SPTA1: variants seen among roughly 807,000 people sequenced by gnomAD.
SPTA1 encodes the protein spectrin alpha chain, erythrocytic 1.
A neutral mutation model predicts 324.7 loss-of-function variants in SPTA1; 177 were observed. That is an observed-to-expected ratio of 0.55 (90% confidence interval 0.48 to 0.62). The LOEUF is 0.62. Among genes scored for constraint, SPTA1 ranks in the 20% least tolerant of loss-of-function variants. SPTA1 has a pLI of 0.00. For missense variants in SPTA1, 3,162 were observed against 2,883.6 expected, an observed-to-expected ratio of 1.10 and a Z score of -2.21; for synonymous variants, 1,195 against 1,041.3, an observed-to-expected ratio of 1.15 and a Z score of -2.84.
At chr1:158,634,390 AT>A (rs1650904709) in intron 39 of SPTA1, among the ~76,000 whole-genome samples, 152 bp downstream of exon 39, 1 of 152,134 alleles carries the variant, frequency 6.6e-6, no homozygotes, top group Non-Finnish European at 1.5e-5. Flanking sequence ...TTGGACTTTA[AT>A]TTTTCGTATT....
chr1:158,677,859 A>G (rs765188276), intron 6 of SPTA1, 25 bp from the exon 7 acceptor site: 25 of 1,613,148 alleles, frequency 1.5e-5, no homozygotes, highest in Admixed American at 3.3e-5. Context: ...AAGAGCTCCA[A>G]CCAAAGAAGA....
At position 158,623,307 on chromosome 1, in the gene SPTA1, T is replaced by C. The variant is rs140760014; in HGVS notation, c.5911-115A>G. 534 of 926,918 alleles carry C rather than the reference T, an allele frequency of 5.8e-4. 2 individuals are homozygous for C. In the African/African-American group the frequency reaches 7.2e-3, roughly 13 times the overall value. 57.4% of individuals were successfully genotyped at this position (926,918 alleles called of 1,614,324 possible). ...GGCTAGGCAAGAATTAAGATGATGA[T>C]TAAGAAAAAGGAAATATAACTTAGA... On this transcript the variant is annotated intron_variant, in intron 42 of 51. Coordinates refer to ENST00000643759, the MANE Select transcript of SPTA1 (RefSeq NM_003126.4).
At chr1:158,620,534 G>A (rs1272607575) in intron 43 of SPTA1, 68 bp from the exon 44 acceptor site, 3 of 1,590,046 alleles carry the variant, frequency 1.9e-6, no homozygotes, top group East Asian at 2.3e-5. Context: ...AGAAGATTGA[G>A]GATAAAAATA....
chr1:158,619,830 C>A (rs68006565), intron 44 of SPTA1, among the ~76,000 whole-genome samples: 51,761 of 151,784 alleles, frequency 0.34, 9,364 homozygotes, highest in African/African-American at 0.46. Context: ...TATATAAAAA[C>A]GAAAATGTCT....
Position 158,686,629 on chromosome 1 carries a change from T to G in SPTA1, c.-112A>C. On this transcript the variant is annotated 5_prime_UTR_variant, in exon 1 of 52. Transcript: ENST00000643759. ...AATTCAAATAGAAATATAGAAACGT[T>G]AAGTATGTGGGGGAAAAAAAAAAAC... is the stretch of plus-strand genomic sequence containing the variant. 1 of 826,022 alleles carries G rather than the reference T, an allele frequency of 1.2e-6. No individual in the cohort carries two copies. The highest frequency in any genetic ancestry group is 2.0e-6 in the Non-Finnish European group (1 of 503,510). The allele number at this position is 826,022 out of a possible 1,614,324, so 51.2% of individuals were successfully genotyped here. A position where few individuals can be genotyped will look rare whatever the true frequency, so the allele number is the denominator to read the frequency against.
chr1:158,642,355 A>G, intron 33 of SPTA1, 56 bp downstream of exon 33: 2 of 1,568,702 alleles, frequency 1.3e-6, no homozygotes, highest in Non-Finnish European at 1.7e-6. Flanking sequence ...AAAAAGAAAG[A>G]GTAAATGATT....
At chr1:158,656,521 G>A (rs760796502) in intron 20 of SPTA1, 43 bp downstream of exon 20, 8 of 1,534,498 alleles carry the variant, frequency 5.2e-6, no homozygotes, top group Non-Finnish European at 7.2e-6. Flanking sequence ...CTTTTTCTTT[G>A]TGGTGGGAAG....
At chr1:158,686,440 A>G in intron 1 of SPTA1, 54 bp downstream of exon 1, 1 of 1,238,748 alleles carries the variant, frequency 8.1e-7, no homozygotes, top group Non-Finnish European at 1.2e-6. Flanking sequence ...TAAAGGAAAC[A>G]TCTTTCCTAA....
At chr1:158,636,254 A>C (rs1651061570) in intron 37 of SPTA1, among the ~76,000 whole-genome samples, 1 of 152,198 alleles carries the variant, frequency 6.6e-6, no homozygotes, top group Non-Finnish European at 1.5e-5. Context: ...CAGTACTTGC[A>C]CTAGTCTACT....
rs886041244 is a variant in SPTA1, at chr1:158,623,153, T to C, written c.5950A>G (p.Arg1984Gly). Residue 1984 changes from arginine to glycine, a missense_variant, in exon 43 of 52, where the codon AGA becomes GGA. By Grantham distance (125) the Arg-to-Gly change is moderately radical. Transcript: ENST00000643759. ...DASLQSFQQE[R>G]LPEITDLKDK... is the part of the protein sequence containing the mutation. ...TTCAGGTCAGTGATCTCGGGAAGTCTCTCTTGCTGGAAACTCTGCAGACTG... is the reference window on the plus strand; with the variant it reads ...TTCAGGTCAGTGATCTCGGGAAGTCCCTCTTGCTGGAAACTCTGCAGACTG... The C allele has an allele frequency of 6.2e-7, 1 of 1,614,134 alleles. No homozygotes were observed. Among genetic ancestry groups the C allele is most frequent in the Non-Finnish European group, 8.5e-7 (1 of 1,180,040 alleles).
At chr1:158,683,235 T>A in intron 3 of SPTA1, 136 bp downstream of exon 3, 1 of 1,278,376 alleles carries the variant, frequency 7.8e-7, no homozygotes, top group Non-Finnish European at 1.1e-6. Context: ...TTTTTATGCC[T>A]CAACCCCAGG....
At chr1:158,662,525 A>AC in intron 17 of SPTA1, among the ~76,000 whole-genome samples, 177 bp downstream of exon 17, 1 of 152,204 alleles carries the variant, frequency 6.6e-6, no homozygotes, top group East Asian at 1.9e-4. Flanking sequence ...AGGAGGTGTA[A>AC]TTTTTTAGTA....
intron 3 of SPTA1, among the ~76,000 whole-genome samples, 190 bp from the exon 4 acceptor site, chr1:158,681,857 G>A (rs779325265): frequency 6.6e-6 from 1 of 152,146 alleles, no homozygotes; most frequent in African/African-American, 2.4e-5. Context: ...AGCCAAATGC[G>A]ATCTTACATA....
chr1:158,652,557 C>T lies in SPTA1; in HGVS notation c.3285G>A (p.Leu1095=). 1 of 1,614,092 alleles carries T rather than the reference C, an allele frequency of 6.2e-7. No individual in the cohort carries two copies. Among genetic ancestry groups the T allele is most frequent in the Non-Finnish European group, 8.5e-7 (1 of 1,180,022 alleles). ...CTGCCTTTTTCTCTTGAATCCATTC[C>T]AGCATGTCTCCTGCCTCATAGGCCA... is the stretch of plus-strand genomic sequence containing the variant. The part of the protein sequence containing the change: ...FLLAYEAGDM[L]EWIQEKKAEN... The change falls in exon 23 of 52, where the codon CTG becomes CTA. Residue 1095 remains leucine, a synonymous_variant. Coordinates refer to ENST00000643759, the MANE Select transcript of SPTA1 (RefSeq NM_003126.4).
intron 12 of SPTA1, among the ~76,000 whole-genome samples, chr1:158,670,158 T>C (rs1423902336): frequency 6.6e-6 from 1 of 152,144 alleles, no homozygotes; most frequent in Non-Finnish European, 1.5e-5. Flanking sequence ...CTCAAATATA[T>C]CTCTATCTCT....
At chr1:158,622,274 GTAA>G (rs1458810431) in intron 43 of SPTA1, among the ~76,000 whole-genome samples, 3 of 151,948 alleles carry the variant, frequency 2.0e-5, no homozygotes, top group Admixed American at 6.6e-5. Context: ...ATGTAGTAAT[GTAA>G]TAATGTTACA....
intron 16 of SPTA1, among the ~76,000 whole-genome samples, chr1:158,665,244 G>T (rs1394185823): frequency 6.6e-6 from 1 of 152,066 alleles, no homozygotes; most frequent in Non-Finnish European, 1.5e-5. Context: ...TTGAAACTCT[G>T]TTCTCCGGGT....
At chr1:158,621,192 A>AT (rs1649889960) in intron 43 of SPTA1, among the ~76,000 whole-genome samples, 1 of 151,732 alleles carries the variant, frequency 6.6e-6, no homozygotes, top group Non-Finnish European at 1.5e-5. Flanking sequence ...AAAAAGCATG[A>AT]ATTTTTTCAA....
intron 39 of SPTA1, 146 bp downstream of exon 39, chr1:158,634,397 G>T (rs182723553): frequency 3.3e-6 from 4 of 1,229,434 alleles, no homozygotes; most frequent in African/African-American, 1.5e-5. Flanking sequence ...TTAATTTTTC[G>T]TATTTAAAAC....
Sources: allele counts gnomAD v4.1 joint callset (sites outside exome capture counted in the v4.1 genomes callset), GRCh38; gene constraint gnomAD v4.1.1; transcripts MANE v1.5; gene names NCBI Gene and HGNC (gene_info 2026-07-23, HGNC 2026-07-21).